Variants in MEAK7 observed in about 807,000 individuals in gnomAD.
MEAK7 encodes the protein MTOR-associated protein MEAK7.
Under a neutral mutation model 40.5 loss-of-function variants are expected in MEAK7, and 68 were observed. The ratio of observed to expected loss-of-function variants is 1.68; its 90% CI spans 1.38 to 2.06. The LOEUF is 2.06. Among genes scored for constraint, MEAK7 ranks in the 30% most tolerant of loss-of-function variants. The pLI, the probability that MEAK7 is intolerant of heterozygous loss-of-function variation, is 0.00. For missense variants in MEAK7, 918 were observed against 580.5 expected (o/e 1.58, Z -5.98); for synonymous variants, 338 against 231.9 (o/e 1.46, Z -4.16).
At chr16:84,481,317 C>T (rs1419417471) in intron 6 of MEAK7, among the ~76,000 whole-genome samples, 2 of 152,172 alleles carry the variant, frequency 1.3e-5, no homozygotes, top group Admixed American at 6.5e-5. Flanking sequence ...GCCTGTAACA[C>T]CTGGCACGCC....
chr16:84,497,745 G>C (rs1914171809), intron 2 of MEAK7, 189 bp downstream of exon 2: 1 of 1,328,556 alleles, frequency 7.5e-7, no homozygotes, highest in Admixed American at 2.0e-5. Flanking sequence ...CAGAGCAGAG[G>C]AGCTACAACA....
At chr16:84,500,446 G>A (rs949721024) in intron 1 of MEAK7, among the ~76,000 whole-genome samples, 9 of 152,158 alleles carry the variant, frequency 5.9e-5, no homozygotes, top group Admixed American at 3.3e-4. Flanking sequence ...CCACTAAAGC[G>A]AGTTATTTCT....
In MEAK7 at chr16:84,486,947, A is replaced by C; in HGVS notation, c.642T>G (p.Ile214Met). The C allele has an allele frequency of 6.2e-7, 1 of 1,614,156 alleles. No homozygotes were observed. Among genetic ancestry groups the C allele is most frequent in the Non-Finnish European group, 8.5e-7 (1 of 1,180,028 alleles). Residue 214 changes from isoleucine (I) to methionine (M), a missense_variant, in exon 5 of 8, where the codon ATT (isoleucine) becomes ATG (methionine). Coordinates refer to ENST00000343629, the MANE Select transcript of MEAK7 (RefSeq NM_020947.4). Reference sequence around the variant, plus strand: ...AGCACAGGATGAGAAAGCCCTTGCAAATGACCACACTCAGGAATATGGCCA... The same window carrying C: ...AGCACAGGATGAGAAAGCCCTTGCACATGACCACACTCAGGAATATGGCCA... ...PHVAIFLSVV[I>M]CKGFLILCSS...
At position 84,486,433 on chromosome 16, in the gene MEAK7, C is replaced by T. The variant is rs376983064; in HGVS notation, c.958+198G>A. 7.4e-4 allele frequency: 1,020 copies of T among 1,370,642 alleles called. 5 individuals carry two copies. The highest frequency in any genetic ancestry group is 2.2e-3 in the Middle Eastern group (8 of 3,678). The allele number at this position is 1,370,642 out of a possible 1,614,324, so 84.9% of individuals were successfully genotyped here. A position where few individuals can be genotyped will look rare whatever the true frequency, so the allele number is the denominator to read the frequency against. On this transcript the variant is annotated intron_variant, in intron 5 of 7. Coordinates refer to ENST00000343629, the MANE Select transcript of MEAK7 (RefSeq NM_020947.4). The stretch of plus-strand genomic sequence containing the variant: ...GTGTCCTCGCCTGAAAACTGGGGGT[C>T]ACACGGCCTGTCCTGAAGAACTCTG...
chr16:84,491,983 T>A lies in MEAK7; in HGVS notation c.385-2561A>T, dbSNP rs902952061. Among the ~76,000 whole-genome samples the A allele has an allele frequency of 1.3e-5, 2 of 152,328 alleles. 1 individual carries two copies. Among genetic ancestry groups the A allele is most frequent in the South Asian group, 4.1e-4 (2 of 4,824 alleles). On this transcript the variant is annotated intron_variant, in intron 3 of 7. Transcript: ENST00000343629. ...GTGATTCCTAGGGCTAAAAGAGACT[T>A]GAATCCTGCTAAATCTTCAACACTG...
Position 84,489,262 on chromosome 16 carries a change from G to A in MEAK7, c.529+16C>T, listed in dbSNP as rs777520211. ...TACAGCAAAAGACCTGCATCACCGC[G>A]TCCACGCACACTTGCCTTGCAGCTT... On this transcript the variant is annotated intron_variant, in intron 4 of 7. Transcript: ENST00000343629. The A allele has an allele frequency of 8.7e-6, 14 of 1,613,156 alleles. No homozygotes were observed. The highest frequency in any genetic ancestry group is 8.3e-5 in the Admixed American group (5 of 59,940).
At position 84,489,417 on chromosome 16, in the gene MEAK7, T is replaced by C. The variant is rs776701677; in HGVS notation, c.390A>G (p.Thr130=). 7 of 1,609,178 alleles carry C rather than the reference T, an allele frequency of 4.4e-6. No individual in the cohort carries two copies. The highest frequency in any genetic ancestry group is 3.3e-5 in the South Asian group (3 of 90,540). Residue 130 remains threonine (T), a synonymous_variant, in exon 4 of 8, where the codon ACA becomes ACG. Transcript: ENST00000343629. ...GCACCACAGAGCCAACCAGATCCTCTGTAAACTGTAAGATCACAATTTTAC... is the reference window on the plus strand; with the variant it reads ...GCACCACAGAGCCAACCAGATCCTCCGTAAACTGTAAGATCACAATTTTAC... ...PVKAREVQKF[T]EDLVGSVVHV...
intron 1 of MEAK7, among the ~76,000 whole-genome samples, chr16:84,499,694 G>A (rs1479444270): frequency 3.3e-5 from 5 of 152,020 alleles, no homozygotes; most frequent in South Asian, 2.1e-4. Flanking sequence ...GCCATCACCC[G>A]TCTACTTTCT....
intron 7 of MEAK7, 54 bp from the exon 8 acceptor site, chr16:84,480,080 G>T: frequency 7.3e-7 from 1 of 1,379,096 alleles, no homozygotes; most frequent in Non-Finnish European, 9.9e-7. Flanking sequence ...ACAAGAGGCA[G>T]CAGCTTCCTG....
rs1913110082 is a variant in MEAK7, at chr16:84,486,799, G to A, written c.790C>T (p.His264Tyr). Residue 264 changes from histidine to tyrosine, a missense_variant, in exon 5 of 8, where the codon CAC becomes TAC. Coordinates refer to ENST00000343629, the MANE Select transcript of MEAK7 (RefSeq NM_020947.4). Reference protein sequence around the residue: ...INAQLPREQRHRWCLLFSSEL... With the variant: ...INAQLPREQRYRWCLLFSSEL... Reference sequence around the variant, plus strand: ...GACGAAAAGAGCAGGCACCAGCGGTGCCGCTGCTCCCGAGGCAGCTGGGCG... The same window carrying A: ...GACGAAAAGAGCAGGCACCAGCGGTACCGCTGCTCCCGAGGCAGCTGGGCG... 6.2e-7 allele frequency: 1 copy of A among 1,614,030 alleles called. No homozygotes were observed. The highest frequency in any genetic ancestry group is 1.3e-5 in the African/African-American group (1 of 75,054).
chr16:84,489,166 C>T (rs1913346102), intron 4 of MEAK7, 112 bp downstream of exon 4: 6 of 1,350,418 alleles, frequency 4.4e-6, no homozygotes, highest in Non-Finnish European at 5.8e-6. Flanking sequence ...GAAGAAGGTT[C>T]GAGGGCTCAC....
rs928386966 is a variant in MEAK7 at position 84,486,989 on chromosome 16, C to T, written c.600G>A (p.Val200=). ...DCDRAVIEDW[V]FRVPHVAIFL... Reference sequence around the variant, plus strand: ...ATATGGCCACATGGGGGACCCTGAACACCCAGTCCTCGATCACAGCTCGGT... The same window carrying T: ...ATATGGCCACATGGGGGACCCTGAATACCCAGTCCTCGATCACAGCTCGGT... Residue 200 remains valine (V), a synonymous_variant, in exon 5 of 8, where the codon GTG becomes GTA. Coordinates refer to ENST00000343629, the MANE Select transcript of MEAK7 (RefSeq NM_020947.4). The T allele has an allele frequency of 5.0e-6, 8 of 1,614,162 alleles. No individual in the cohort carries two copies. The highest frequency in any genetic ancestry group is 2.2e-5 in the East Asian group (1 of 44,866).
chr16:84,495,918 C>G lies in MEAK7; in HGVS notation c.154-5G>C, dbSNP rs534144576. ...AAGAGCTTCCCCGACGTGGTTCTGC[C>G]GGGGACAAGCAGAAAAATATGGTTA... On this transcript the variant is annotated splice_region_variant and splice_polypyrimidine_tract_variant and intron_variant, in intron 2 of 7. Transcript: ENST00000343629. 3.5e-5 allele frequency: 56 copies of G among 1,613,456 alleles called. No homozygotes were observed. The East Asian group carries it at 1.0e-3, about 30-fold the overall frequency.
chr16:84,485,094 C>A (rs1236475008), intron 5 of MEAK7, among the ~76,000 whole-genome samples: 1 of 152,254 alleles, frequency 6.6e-6, no homozygotes, highest in African/African-American at 2.4e-5. Context: ...CCCCGGAGCC[C>A]GAGGCTGGGC....
intron 6 of MEAK7, 119 bp from the exon 7 acceptor site, chr16:84,480,827 G>T: frequency 9.2e-7 from 1 of 1,092,030 alleles, no homozygotes; most frequent in South Asian, 1.8e-5. Context: ...CGGGTGAGTG[G>T]TGAATGCCAT....
chr16:84,482,355 C>G (rs553024220), intron 6 of MEAK7, among the ~76,000 whole-genome samples: 61 of 152,370 alleles, frequency 4.0e-4, no homozygotes, highest in African/African-American at 1.4e-3. Flanking sequence ...AGTGTGCCAT[C>G]TGCACACAAA....
intron 7 of MEAK7, among the ~76,000 whole-genome samples, 169 bp downstream of exon 7, chr16:84,480,360 A>G (rs1233210229): frequency 6.6e-6 from 1 of 152,178 alleles, no homozygotes; most frequent in Non-Finnish European, 1.5e-5. Flanking sequence ...ATCCCAGACA[A>G]GACTTCCAGC....
intron 1 of MEAK7, chr16:84,504,216 C>G: frequency 1.1e-6 from 1 of 938,018 alleles, no homozygotes; most frequent in Non-Finnish European, 1.3e-6. Context: ...ACTTCAGTGT[C>G]TACCCCAGAC....
At chr16:84,491,368 G>A (rs1389927296) in intron 3 of MEAK7, among the ~76,000 whole-genome samples, 4 of 152,042 alleles carry the variant, frequency 2.6e-5, no homozygotes, top group South Asian at 2.1e-4. Context: ...TGAGACCCCC[G>A]TCTCTACTAA....
Sources: allele counts gnomAD v4.1 joint callset (sites outside exome capture counted in the v4.1 genomes callset), GRCh38; gene constraint gnomAD v4.1.1; transcripts MANE v1.5; gene names NCBI Gene and HGNC (gene_info 2026-07-23, HGNC 2026-07-21).